The following STPG2 variants were observed in gnomAD, a reference collection of about 807,000 sequenced individuals.
STPG2 encodes sperm tail PG-rich repeat containing 2.
In STPG2, 56 loss-of-function variants were observed where a neutral mutation model predicts 54.2. That is an observed-to-expected ratio of 1.03 (90% confidence interval 0.83 to 1.29). The LOEUF (loss-of-function observed/expected upper bound fraction) is 1.29, where lower values mean the gene tolerates loss of function less well. Among genes scored for constraint, STPG2 ranks in the 50% most tolerant of loss-of-function variants. STPG2 has a pLI of 0.00. For synonymous variants in STPG2, 200 were observed against 181.8 expected (o/e 1.10, Z -0.81); for missense variants, 596 against 544.9 (o/e 1.09, Z -0.93).
At chr4:97,616,092 A>ATATATATATATATATGTATG (rs764342142) in intron 10 of STPG2, among the ~76,000 whole-genome samples, 3 of 63,292 alleles carry the variant, frequency 4.7e-5, no homozygotes, top group Non-Finnish European at 7.0e-5. Flanking sequence ...ATATATATAT[A>ATATATATATATATATGTATG]TATGTATGTA....
chr4:98,086,437 C>T (rs769256207), intron 5 of STPG2, among the ~76,000 whole-genome samples: 17 of 151,916 alleles, frequency 1.1e-4, no homozygotes, highest in Non-Finnish European at 1.6e-4. Context: ...AAGCACTCTG[C>T]TTCATATATA....
At chr4:97,865,584 C>A (rs1366101033) in intron 8 of STPG2, among the ~76,000 whole-genome samples, 4 of 151,930 alleles carry the variant, frequency 2.6e-5, no homozygotes, top group Non-Finnish European at 5.9e-5. Flanking sequence ...CATCCCATTA[C>A]TGGGTGTATA....
chr4:97,471,668 T>G (rs1427705790), intron 4 of STPG2, among the ~76,000 whole-genome samples: 1 of 152,184 alleles, frequency 6.6e-6, no homozygotes, highest in Non-Finnish European at 1.5e-5. Context: ...CAGCTGCAAT[T>G]GTGTGTTCAT....
chr4:97,848,647 T>A (rs1729044372), intron 8 of STPG2, among the ~76,000 whole-genome samples: 1 of 152,202 alleles, frequency 6.6e-6, no homozygotes, highest in African/African-American at 2.4e-5. Context: ...AATGTTTAAA[T>A]CTTTAATCCA....
chr4:97,502,882 G>C (rs1037552801), intron 4 of STPG2, among the ~76,000 whole-genome samples: 2 of 151,908 alleles, frequency 1.3e-5, no homozygotes, highest in Non-Finnish European at 2.9e-5. Flanking sequence ...CTTACGCTGT[G>C]AATAGCAATC....
At chr4:97,486,222 C>G (rs183732971) in intron 4 of STPG2, among the ~76,000 whole-genome samples, 2 of 151,646 alleles carry the variant, frequency 1.3e-5, no homozygotes, top group Non-Finnish European at 3.0e-5. Context: ...GAACAGTCAC[C>G]AGAGTAAAAG....
At chr4:97,807,525 T>C (rs903203425) in intron 9 of STPG2, among the ~76,000 whole-genome samples, 4 of 151,858 alleles carry the variant, frequency 2.6e-5, no homozygotes, top group Non-Finnish European at 4.4e-5. Context: ...ATAATTAAAA[T>C]GAAAAACTTA....
chr4:97,803,644 G>A (rs960041009), intron 9 of STPG2, among the ~76,000 whole-genome samples: 4 of 152,120 alleles, frequency 2.6e-5, no homozygotes, highest in Non-Finnish European at 4.4e-5. Flanking sequence ...GGGTTCAAGC[G>A]ATTCTCCTGC....
chr4:98,048,451 A>G (rs1328036726), intron 5 of STPG2: 1 of 152,314 alleles, frequency 6.6e-6, no homozygotes, highest in East Asian at 1.9e-4. Flanking sequence ...AAGAAAGTAC[A>G]CATAAAAAAT....
chr4:97,985,949 A>AACAC (rs72477988), intron 5 of STPG2, among the ~76,000 whole-genome samples: 5 of 144,416 alleles, frequency 3.5e-5, no homozygotes, highest in African/African-American at 9.9e-5. Context: ...AGCGCACACA[A>AACAC]ACACACACAC....
intron 9 of STPG2, among the ~76,000 whole-genome samples, chr4:97,838,177 C>A (rs942581812): frequency 3.3e-5 from 5 of 151,402 alleles, no homozygotes; most frequent in Non-Finnish European, 5.9e-5. Flanking sequence ...CAAAAAAGGT[C>A]TTTCCATTGC....
At chr4:97,497,280 C>T (rs1372507116) in intron 4 of STPG2, among the ~76,000 whole-genome samples, 1 of 151,568 alleles carries the variant, frequency 6.6e-6, no homozygotes, top group Non-Finnish European at 1.5e-5. Flanking sequence ...GCTACATGCC[C>T]AATTATAATC....
intron 4 of STPG2, among the ~76,000 whole-genome samples, chr4:97,485,352 C>G (rs138702642): frequency 6.6e-6 from 1 of 151,792 alleles, no homozygotes; most frequent in Admixed American, 6.6e-5. Flanking sequence ...TATAAGAATT[C>G]AACAACGTTT....
At chr4:97,600,628 G>A (rs765712199) in intron 10 of STPG2, among the ~76,000 whole-genome samples, 3 of 152,086 alleles carry the variant, frequency 2.0e-5, no homozygotes, top group African/African-American at 4.8e-5. Context: ...ATGACACTGT[G>A]TGAGCAAACT....
intron 10 of STPG2, among the ~76,000 whole-genome samples, chr4:97,640,814 CAG>C (rs923567965): frequency 7.3e-5 from 11 of 150,722 alleles, no homozygotes; most frequent in Non-Finnish European, 1.3e-4. Context: ...GTCAAAAAAA[CAG>C]AGAATAAATA....
chr4:97,482,205 T>C (rs1289947365), intron 4 of STPG2, among the ~76,000 whole-genome samples: 1 of 151,590 alleles, frequency 6.6e-6, no homozygotes, highest in Non-Finnish European at 1.5e-5. Flanking sequence ...TGTATTATTC[T>C]TTTGTATGTT....
chr4:97,730,046 T>G (rs764790938), intron 9 of STPG2, among the ~76,000 whole-genome samples: 9 of 152,188 alleles, frequency 5.9e-5, no homozygotes, highest in Non-Finnish European at 1.0e-4. Flanking sequence ...TATGCGGATG[T>G]TACATGGATA....
chr4:97,625,610 G>A (rs1433240126), intron 10 of STPG2, among the ~76,000 whole-genome samples: 1 of 152,098 alleles, frequency 6.6e-6, no homozygotes, highest in Non-Finnish European at 1.5e-5. Flanking sequence ...ACCATGCTTG[G>A]CCGCCTCTTC....
At chr4:97,826,312 A>G (rs111284383) in intron 9 of STPG2, among the ~76,000 whole-genome samples, 3,102 of 152,322 alleles carry the variant, frequency 0.02, 100 homozygotes, top group African/African-American at 0.071. Flanking sequence ...TCTTGTCTAC[A>G]TTTAGAGGGT....
Sources: allele counts gnomAD v4.1 joint callset (sites outside exome capture counted in the v4.1 genomes callset), GRCh38; gene constraint gnomAD v4.1.1; transcripts MANE v1.5; gene names NCBI Gene and HGNC (gene_info 2026-07-23, HGNC 2026-07-21).